Variants in RHEB observed in about 807,000 individuals in gnomAD.
RHEB encodes Ras homolog, mTORC1 binding.
A neutral mutation model predicts 28.8 loss-of-function variants in RHEB; 2 were observed. That is an observed-to-expected ratio of 0.07 (90% CI 0.03 to 0.22). The LOEUF (loss-of-function observed/expected upper bound fraction) is 0.22, where lower values mean the gene tolerates loss of function less well. Ranked by LOEUF, RHEB falls within the 10% of genes least tolerant of loss-of-function variation. The pLI, the probability that RHEB is intolerant of heterozygous loss-of-function variation, is 1.00. For synonymous variants in RHEB, 69 were observed against 77.3 expected (o/e 0.89, Z 0.56); for missense variants, 76 against 219.9 (o/e 0.35, Z 4.14).
Position 151,476,642 on chromosome 7 carries a change from A to G in RHEB, c.275+691T>C, listed in dbSNP as rs540389290. ...CAAAGAGAGTAGCAAACTCCCTAAC[A>G]TGTCGCACACACTCAATAGATGCTA... On this transcript the variant is annotated intron_variant, in intron 4 of 7. Coordinates refer to ENST00000262187, the MANE Select transcript of RHEB (RefSeq NM_005614.4). Among the ~76,000 whole-genome samples the G allele has an allele frequency of 2.6e-5, 4 of 152,364 alleles. No homozygotes were observed. In the East Asian group the frequency reaches 7.7e-4, roughly 29 times the overall value.
intron 4 of RHEB, among the ~76,000 whole-genome samples, chr7:151,475,973 G>A (rs983734748): frequency 1.3e-5 from 2 of 152,140 alleles, no homozygotes; most frequent in Admixed American, 6.5e-5. Flanking sequence ...CAGTATCTAT[G>A]CTTAGGTAAT....
chr7:151,493,160 C>T (rs1433604190), intron 1 of RHEB, among the ~76,000 whole-genome samples: 3 of 152,052 alleles, frequency 2.0e-5, no homozygotes, highest in East Asian at 1.9e-4. Flanking sequence ...AGCTTCTAAC[C>T]GTGGCCCACA....
At chr7:151,480,253 G>C (rs951974621) in intron 3 of RHEB, among the ~76,000 whole-genome samples, 1 of 152,174 alleles carries the variant, frequency 6.6e-6, no homozygotes, top group Non-Finnish European at 1.5e-5. Flanking sequence ...ACCAGCAACA[G>C]TCTAACTGTT....
intron 7 of RHEB, among the ~76,000 whole-genome samples, chr7:151,469,414 A>T (rs1802119936): frequency 6.6e-6 from 1 of 152,234 alleles, no homozygotes; most frequent in Non-Finnish European, 1.5e-5. Flanking sequence ...GGGGTCAACA[A>T]GAAGGTGAAA....
intron 3 of RHEB, among the ~76,000 whole-genome samples, chr7:151,483,181 G>T (rs1477190760): frequency 6.6e-6 from 1 of 152,128 alleles, no homozygotes; most frequent in Non-Finnish European, 1.5e-5. Context: ...AAACCTCAGG[G>T]TTCCTCCAAT....
At chr7:151,509,564 T>A (rs943226125) in intron 1 of RHEB, among the ~76,000 whole-genome samples, 1 of 152,116 alleles carries the variant, frequency 6.6e-6, no homozygotes, top group Non-Finnish European at 1.5e-5. Context: ...GTCCTCTTCA[T>A]CTCATCTACT....
chr7:151,489,042 G>C (rs769371024), intron 2 of RHEB, among the ~76,000 whole-genome samples: 22 of 152,196 alleles, frequency 1.4e-4, no homozygotes, highest in Non-Finnish European at 3.2e-4. Context: ...CTGGGTTCAA[G>C]TGATCCGCCT....
chr7:151,485,544 C>T (rs375363075), intron 2 of RHEB, among the ~76,000 whole-genome samples: 16 of 152,280 alleles, frequency 1.1e-4, no homozygotes, highest in African/African-American at 3.9e-4. Context: ...ATTTATCTTG[C>T]ATACCCGCCC....
In RHEB at chr7:151,484,720, T is replaced by C; in HGVS notation, c.192+17A>G. The C allele has an allele frequency of 6.4e-7, 1 of 1,570,702 alleles. No individual in the cohort carries two copies. Among genetic ancestry groups the C allele is most frequent in the South Asian group, 1.1e-5 (1 of 90,172 alleles). On this transcript the variant is annotated intron_variant, in intron 3 of 7. Coordinates refer to ENST00000262187, the MANE Select transcript of RHEB (RefSeq NM_005614.4). ...AGATATGCTGTATAAGATTCTGAGA[T>C]ACCAGAGGTCACTTACTTGCCCGGC...
At chr7:151,489,469 A>G (rs1302510780) in intron 2 of RHEB, among the ~76,000 whole-genome samples, 1 of 152,238 alleles carries the variant, frequency 6.6e-6, no homozygotes, top group Non-Finnish European at 1.5e-5. Flanking sequence ...GTTACTTTCA[A>G]AAATATTCCT....
chr7:151,515,211 A>C (rs563877642), intron 1 of RHEB, among the ~76,000 whole-genome samples: 1 of 152,322 alleles, frequency 6.6e-6, no homozygotes, highest in East Asian at 1.9e-4. Context: ...CGAACCTTGA[A>C]AACATTATAC....
chr7:151,502,724 G>A (rs1802794648), intron 1 of RHEB: 3 of 1,597,730 alleles, frequency 1.9e-6, no homozygotes, highest in African/African-American at 2.7e-5. Context: ...AAGAAACACA[G>A]TAGAGGCGTT....
intron 3 of RHEB, among the ~76,000 whole-genome samples, chr7:151,481,790 C>T (rs554357431): frequency 2.0e-5 from 3 of 152,292 alleles, no homozygotes; most frequent in East Asian, 1.9e-4. Context: ...TAATATAACC[C>T]GAAGGGGCAA....
intron 4 of RHEB, among the ~76,000 whole-genome samples, chr7:151,476,405 C>A (rs1214834751): frequency 6.6e-6 from 1 of 152,232 alleles, no homozygotes; most frequent in Non-Finnish European, 1.5e-5. Context: ...AGAGCAAACA[C>A]TTCTATCACC....
chr7:151,511,021 T>C (rs1023833490), intron 1 of RHEB, among the ~76,000 whole-genome samples: 13 of 151,934 alleles, frequency 8.6e-5, no homozygotes, highest in Non-Finnish European at 1.8e-4. Context: ...GAAGCTGCAG[T>C]GTGCCGAGAT....
chr7:151,483,620 C>A (rs1172780518), intron 3 of RHEB, among the ~76,000 whole-genome samples: 1 of 152,052 alleles, frequency 6.6e-6, no homozygotes, highest in African/African-American at 2.4e-5. Flanking sequence ...GGAGGCTGTG[C>A]CAGGAGAATT....
chr7:151,488,155 A>G (rs1463913409), intron 2 of RHEB, among the ~76,000 whole-genome samples: 1 of 152,268 alleles, frequency 6.6e-6, no homozygotes, highest in Non-Finnish European at 1.5e-5. Context: ...CAGCCTATCA[A>G]TTTAGTTTGT....
intron 3 of RHEB, among the ~76,000 whole-genome samples, chr7:151,479,682 C>CAAAAAA (rs10690355): frequency 8.8e-6 from 1 of 113,282 alleles, no homozygotes; most frequent in African/African-American, 3.4e-5. Flanking sequence ...GACTCCGTCT[C>CAAAAAA]AAAAAAAAAA....
In RHEB at chr7:151,490,998, C is replaced by T. The variant is rs138258877; in HGVS notation, c.69G>A (p.Thr23=). 9.3e-6 allele frequency: 15 copies of T among 1,611,366 alleles called. No individual in the cohort carries two copies. Among genetic ancestry groups the T allele is most frequent in the East Asian group, 8.9e-5 (4 of 44,860 alleles). ...GYRSVGKSSL[T]IQFVEGQFVD... is the part of the protein sequence containing the mutation. ...CAAATTGGCCTTCAACAAATTGAAT[C>T]GTCAATGAGGATTTCCCTATAAAAG... Residue 23 remains threonine, a synonymous_variant, in exon 2 of 8, where the codon ACG becomes ACA. Transcript: ENST00000262187.
Sources: allele counts gnomAD v4.1 joint callset (sites outside exome capture counted in the v4.1 genomes callset), GRCh38; gene constraint gnomAD v4.1.1; transcripts MANE v1.5; gene names NCBI Gene and HGNC (gene_info 2026-07-23, HGNC 2026-07-21).